The following FBXW11 variants were observed in gnomAD, a reference collection of about 807,000 sequenced individuals.
FBXW11 encodes the protein F-box/WD repeat-containing protein 11.
A neutral mutation model predicts 77.6 loss-of-function variants in FBXW11; 19 were observed. The ratio of observed to expected loss-of-function variants is 0.24; its 90% CI spans 0.17 to 0.36. FBXW11 has a LOEUF of 0.36. FBXW11 is among the 10% of genes least tolerant of loss of function. The pLI, the probability that FBXW11 is intolerant of heterozygous loss-of-function variation, is 1.00. For missense variants in FBXW11, 334 were observed against 704.2 expected (o/e 0.47, Z 5.95); for synonymous variants, 235 against 249.4 (o/e 0.94, Z 0.54).
At chr5:171,976,590 C>A (rs115062093) in intron 1 of FBXW11, among the ~76,000 whole-genome samples, 1 of 152,070 alleles carries the variant, frequency 6.6e-6, no homozygotes, top group Non-Finnish European at 1.5e-5. Context: ...TGGATTAATG[C>A]CAATTATAAA....
At chr5:171,938,924 T>C (rs1385534639) in intron 2 of FBXW11, among the ~76,000 whole-genome samples, 1 of 152,180 alleles carries the variant, frequency 6.6e-6, no homozygotes, top group Non-Finnish European at 1.5e-5. Flanking sequence ...TACTGTATAC[T>C]ACCTTTTGTG....
chr5:171,869,816 GA>G lies in FBXW11; in HGVS notation c.1452-10del. ...CCCAAACTTTAATTTTCCTAGAAAG[GA>G]AAATGAGATGTGATTAGTGGAAAAG... On this transcript the variant is annotated splice_polypyrimidine_tract_variant and intron_variant, in intron 11 of 13. Transcript: ENST00000517395. The surrounding 1 kb of genome is among the most constrained non-coding windows in gnomAD (Gnocchi z 4.1). 1.3e-6 allele frequency: 2 copies of G among 1,594,146 alleles called. No homozygotes were observed. The highest frequency in any genetic ancestry group is 1.7e-6 in the Non-Finnish European group (2 of 1,167,458).
intron 10 of FBXW11, among the ~76,000 whole-genome samples, chr5:171,872,344 G>A (rs1233134917): frequency 6.6e-6 from 1 of 152,206 alleles, no homozygotes; most frequent in Non-Finnish European, 1.5e-5. Context: ...AGACAGTGGG[G>A]AAATGGCATG....
intron 4 of FBXW11, 81 bp downstream of exon 4, chr5:171,910,487 TTCAA>T: frequency 1.2e-6 from 1 of 854,840 alleles, no homozygotes; most frequent in Admixed American, 2.5e-5. Context: ...ACAGTACTCA[TTCAA>T]TCATTTCATA....
chr5:171,996,970 A>T lies in FBXW11; in HGVS notation c.45+9488T>A, dbSNP rs755731754. ...CTTTCAGACTAGTCTGAGAAAAGAC[A>T]GCAGTCAAGCATCTTCCAAGATTCT... On this transcript the variant is annotated intron_variant, in intron 1 of 13. Coordinates refer to ENST00000517395, the MANE Select transcript of FBXW11 (RefSeq NM_001378974.1). 6.2e-6 allele frequency: 8 copies of T among 1,289,698 alleles called. No individual in the cohort carries two copies. The African/African-American group carries it at 1.1e-4, about 17-fold the overall frequency. 79.9% of individuals were successfully genotyped at this position (1,289,698 alleles called of 1,614,324 possible). A position where few individuals can be genotyped will look rare whatever the true frequency, so the allele number is the denominator to read the frequency against.
At chr5:171,905,658 AC>A (rs1412602326) in intron 4 of FBXW11, among the ~76,000 whole-genome samples, 1 of 140,302 alleles carries the variant, frequency 7.1e-6, no homozygotes, top group Non-Finnish European at 1.5e-5. Context: ...AACAGGAATC[AC>A]ACAATCTCTA....
At chr5:171,940,113 G>A (rs1349422785) in intron 2 of FBXW11, among the ~76,000 whole-genome samples, 1 of 151,996 alleles carries the variant, frequency 6.6e-6, no homozygotes. Flanking sequence ...ATGGAATGCG[G>A]AGGGCCCACT....
chr5:171,978,419 G>A (rs937561734), intron 1 of FBXW11, among the ~76,000 whole-genome samples: 3 of 152,272 alleles, frequency 2.0e-5, no homozygotes, highest in Non-Finnish European at 4.4e-5. Context: ...AAAACTGGAC[G>A]AGAAATAGGG....
At chr5:172,001,164 A>G (rs1766388865) in intron 1 of FBXW11, among the ~76,000 whole-genome samples, 1 of 152,232 alleles carries the variant, frequency 6.6e-6, no homozygotes, top group Admixed American at 6.5e-5. Context: ...GGAAATCTTA[A>G]AAGGTTTCAC....
Position 171,876,591 on chromosome 5 carries a change from C to T in FBXW11, c.972-57G>A. 3.8e-6 allele frequency: 6 copies of T among 1,590,238 alleles called. No individual in the cohort carries two copies. Among genetic ancestry groups the T allele is most frequent in the Non-Finnish European group, 5.2e-6 (6 of 1,163,884 alleles). ...TTATGGAGACAGCCAGGAAATGATT[C>T]TGGTATCTGAGCTCTGTCTGGGTCT... On this transcript the variant is annotated intron_variant, in intron 8 of 13. Coordinates refer to ENST00000517395, the MANE Select transcript of FBXW11 (RefSeq NM_001378974.1). The surrounding 1 kb of genome is among the most constrained non-coding windows in gnomAD (Gnocchi z 4.2).
chr5:171,979,921 G>GT (rs1377869777), intron 1 of FBXW11, among the ~76,000 whole-genome samples: 8 of 152,158 alleles, frequency 5.3e-5, no homozygotes, highest in Admixed American at 3.9e-4. Flanking sequence ...CTCACATTTT[G>GT]TATTTGTCCC....
chr5:171,970,078 A>G (rs1397298994), intron 1 of FBXW11, among the ~76,000 whole-genome samples: 1 of 152,208 alleles, frequency 6.6e-6, no homozygotes, highest in Non-Finnish European at 1.5e-5. Context: ...CTAACATGCT[A>G]CTTGTCTCAT....
At chr5:171,878,603 A>AGTGTGTGTGT (rs34099380) in intron 7 of FBXW11, among the ~76,000 whole-genome samples, 31 of 128,578 alleles carry the variant, frequency 2.4e-4, no homozygotes, top group Middle Eastern at 3.9e-3. Flanking sequence ...AGAGAGAGAG[A>AGTGTGTGTGT]GTGTGTGTGT....
chr5:171,873,893 A>C (rs1757909159), intron 9 of FBXW11, among the ~76,000 whole-genome samples: 2 of 152,284 alleles, frequency 1.3e-5, no homozygotes, highest in South Asian at 4.1e-4. Context: ...GGGATAGATA[A>C]ATAGATCTCC....
intron 13 of FBXW11, among the ~76,000 whole-genome samples, chr5:171,864,650 A>C (rs886531882): frequency 6.6e-6 from 1 of 152,204 alleles, no homozygotes; most frequent in Non-Finnish European, 1.5e-5. Flanking sequence ...TAATAAGTAA[A>C]TCATTGGTAA....
At chr5:171,884,425 C>T (rs755725896) in intron 7 of FBXW11, among the ~76,000 whole-genome samples, 1 of 152,144 alleles carries the variant, frequency 6.6e-6, no homozygotes, top group Non-Finnish European at 1.5e-5. Context: ...CAGTACCATG[C>T]TGTTTTGGTG....
At chr5:171,951,837 AAACTT>A (rs1247171195) in intron 2 of FBXW11, among the ~76,000 whole-genome samples, 9 of 152,200 alleles carry the variant, frequency 5.9e-5, no homozygotes, top group African/African-American at 1.7e-4. Flanking sequence ...GTGGTTTGTA[AAACTT>A]TGAGGCATTT....
At chr5:171,884,791 T>C (rs1217044491) in intron 7 of FBXW11, among the ~76,000 whole-genome samples, 3 of 152,198 alleles carry the variant, frequency 2.0e-5, no homozygotes, top group Non-Finnish European at 4.4e-5. Context: ...AGAGGTCTTT[T>C]GACTCCTTGA....
intron 7 of FBXW11, among the ~76,000 whole-genome samples, chr5:171,886,304 C>T (rs539020199): frequency 6.6e-6 from 1 of 151,934 alleles, no homozygotes; most frequent in South Asian, 2.1e-4. Flanking sequence ...CCATCATTCT[C>T]AGCAAACTAT....
Sources: gnomAD v4.1 joint callset for allele counts (sites outside exome capture counted in the v4.1 genomes callset) on GRCh38, gnomAD v4.1.1 for gene constraint, Gnocchi (gnomAD v3.1) non-coding constraint, MANE v1.5 for transcripts, NCBI Gene and HGNC (gene_info 2026-07-23, HGNC 2026-07-21) for gene names.